Variants in OCA2 observed in about 807,000 individuals in gnomAD.
OCA2 encodes the protein P protein.
OCA2 carries 77 observed loss-of-function variants against 100.2 expected under a neutral mutation model. The observed-to-expected ratio is 0.77, with a 90% CI of 0.64 to 0.93. The LOEUF is 0.93. OCA2 is among the 40% of genes least tolerant of loss of function. The pLI is 0.00. For missense variants in OCA2, 1,062 were observed against 1,089.1 expected, an observed-to-expected ratio of 0.98 and a Z score of 0.35; for synonymous variants, 432 against 439.2, an observed-to-expected ratio of 0.98 and a Z score of 0.21.
At chr15:27,953,905 C>T (rs1278141688) in intron 17 of OCA2, among the ~76,000 whole-genome samples, 1 of 151,916 alleles carries the variant, frequency 6.6e-6, no homozygotes, top group Non-Finnish European at 1.5e-5. Flanking sequence ...TTATCCCTCG[C>T]CCCACTCCCA....
At chr15:27,739,286 G>A in the OCA2 span, among the ~76,000 whole-genome samples, 1 of 152,080 alleles carries the variant, frequency 6.6e-6, no homozygotes, top group Non-Finnish European at 1.5e-5. Context: ...CCACCCCTAG[G>A]AAGGATCCTG....
chr15:27,969,303 G>A (rs149578257), intron 14 of OCA2, among the ~76,000 whole-genome samples: 179 of 152,304 alleles, frequency 1.2e-3, no homozygotes, highest in Non-Finnish European at 1.6e-3. Flanking sequence ...GAAGCATTTG[G>A]TTGCTACTAG....
chr15:27,934,947 G>T (rs2039398977), intron 18 of OCA2, among the ~76,000 whole-genome samples: 1 of 152,134 alleles, frequency 6.6e-6, no homozygotes, highest in Non-Finnish European at 1.5e-5. Flanking sequence ...AAGCTCGTCT[G>T]CTTGGTATTG....
At position 27,871,854 on chromosome 15, in the gene OCA2, T is replaced by C. The variant is rs2151500250; in HGVS notation, c.2139+9A>G. 1 of 1,572,072 alleles carries C rather than the reference T, an allele frequency of 6.4e-7. No individual in the cohort carries two copies. The highest frequency in any genetic ancestry group is 8.8e-7 in the Non-Finnish European group (1 of 1,142,666). On this transcript the variant is annotated intron_variant, in intron 20 of 23. Transcript: ENST00000354638. ...GCTGGAGTGCCTTCTATTATAGCAT[T>C]TATTTTACCTTTATTAGCAAAGCAG...
At chr15:27,786,077 T>C (rs1194922558) in intron 23 of OCA2, among the ~76,000 whole-genome samples, 2 of 152,190 alleles carry the variant, frequency 1.3e-5, no homozygotes, top group Non-Finnish European at 2.9e-5. Flanking sequence ...TTTGTCTTCA[T>C]GTATGTTGAA....
chr15:28,095,335 T>TG (rs1179420072), intron 1 of OCA2, among the ~76,000 whole-genome samples: 2 of 152,112 alleles, frequency 1.3e-5, no homozygotes, highest in African/African-American at 4.8e-5. Flanking sequence ...CCCGCCCCTG[T>TG]GAAACGACAG....
intron 23 of OCA2, among the ~76,000 whole-genome samples, chr15:27,823,847 A>C (rs957474602): frequency 6.6e-6 from 1 of 152,234 alleles, no homozygotes. Flanking sequence ...ATGCTCATTT[A>C]AAGAGCATTT....
chr15:27,739,397 G>A, the OCA2 span, among the ~76,000 whole-genome samples: 5 of 150,600 alleles, frequency 3.3e-5, no homozygotes, highest in Admixed American at 6.6e-5. Context: ...ATGACTGCCT[G>A]CTGATCATTA....
intron 16 of OCA2, among the ~76,000 whole-genome samples, chr15:27,955,945 GC>G (rs2040209368): frequency 6.6e-6 from 1 of 152,178 alleles, no homozygotes; most frequent in Admixed American, 6.5e-5. Context: ...AATGAAGAAT[GC>G]AGTTTTAGTA....
chr15:27,882,993 G>T (rs1017317536), intron 19 of OCA2, among the ~76,000 whole-genome samples: 17 of 152,300 alleles, frequency 1.1e-4, no homozygotes, highest in African/African-American at 3.9e-4. Context: ...TTGCTGGGCT[G>T]GTTTGAGTCT....
rs778350962 is a variant in OCA2, at chr15:28,032,173, A to T, written c.228-10T>A. 7 of 1,588,106 alleles carry T rather than the reference A, an allele frequency of 4.4e-6. No homozygotes were observed. In the East Asian group the frequency reaches 1.6e-4, roughly 35 times the overall value. Reference sequence around the variant, plus strand: ...CAAAGAAGAGTGAGACCTGAAAGAGACAGGGTAGGAAACAGAATCACCAAC... The same window carrying T: ...CAAAGAAGAGTGAGACCTGAAAGAGTCAGGGTAGGAAACAGAATCACCAAC... On this transcript the variant is annotated splice_polypyrimidine_tract_variant and intron_variant, in intron 2 of 23. Transcript: ENST00000354638.
chr15:27,889,227 C>T (rs901019685), intron 19 of OCA2, among the ~76,000 whole-genome samples: 13 of 152,162 alleles, frequency 8.5e-5, no homozygotes, highest in African/African-American at 2.7e-4. Context: ...TACCCTTGAG[C>T]GCTATATTTC....
chr15:27,722,672 T>C, the OCA2 span, among the ~76,000 whole-genome samples: 2,774 of 150,458 alleles, frequency 0.018, 67 homozygotes, highest in African/African-American at 0.066. Context: ...CTTTCCTTTC[T>C]TTTCTTTCTT....
chr15:27,896,848 A>T (rs529750667), intron 19 of OCA2, among the ~76,000 whole-genome samples: 1 of 152,334 alleles, frequency 6.6e-6, no homozygotes, highest in Admixed American at 6.5e-5. Flanking sequence ...GAGAAGCCGA[A>T]TGTTAATTCC....
At chr15:27,770,251 G>A (rs564832756) in intron 23 of OCA2, among the ~76,000 whole-genome samples, 1 of 152,324 alleles carries the variant, frequency 6.6e-6, no homozygotes, top group African/African-American at 2.4e-5. Flanking sequence ...GGCTCCGCGG[G>A]GTCCGCAGGC....
rs899312942 is a variant in OCA2, at chr15:27,934,210, T to C, written c.1952-7956A>G. Among the ~76,000 whole-genome samples the C allele has an allele frequency of 1.1e-4, 16 of 139,366 alleles. 2 individuals carry two copies. Among genetic ancestry groups the C allele is most frequent in the African/African-American group, 3.9e-4 (16 of 40,630 alleles). The allele number at this position is 139,366 out of a possible 152,430, so 91.4% of individuals were successfully genotyped here. A position where few individuals can be genotyped will look rare whatever the true frequency, so the allele number is the denominator to read the frequency against. ...TTGGGAAGGACATTGTCATTTAGCA[T>C]GTGAAGGGCAGACCATGTTTTATAT... On this transcript the variant is annotated intron_variant, in intron 18 of 23. Transcript: ENST00000354638.
chr15:27,786,849 A>T (rs1191900540), intron 23 of OCA2, among the ~76,000 whole-genome samples: 3 of 152,172 alleles, frequency 2.0e-5, no homozygotes, highest in African/African-American at 7.2e-5. Flanking sequence ...CTTGAATCAA[A>T]GTGGCAAGTT....
chr15:27,997,419 A>G (rs1472850708), intron 9 of OCA2, among the ~76,000 whole-genome samples: 4 of 150,678 alleles, frequency 2.7e-5, no homozygotes, highest in Admixed American at 2.0e-4. Flanking sequence ...TCCCAGCACC[A>G]TTTATTAAAT....
intron 1 of OCA2, among the ~76,000 whole-genome samples, chr15:28,084,024 A>G (rs767261744): frequency 4.6e-5 from 7 of 152,334 alleles, no homozygotes; most frequent in Admixed American, 6.5e-5. Context: ...GATGGTATTC[A>G]GAGGTGGGGT....
Sources: allele counts gnomAD v4.1 joint callset (sites outside exome capture counted in the v4.1 genomes callset), GRCh38; gene constraint gnomAD v4.1.1; transcripts MANE v1.5; gene names NCBI Gene and HGNC (gene_info 2026-07-23, HGNC 2026-07-21).